The following FOCAD variants were observed in gnomAD, a reference collection of about 807,000 sequenced individuals.
FOCAD encodes the protein focadhesin.
A neutral mutation model predicts 225.6 loss-of-function variants in FOCAD; 198 were observed. The ratio of observed to expected loss-of-function variants is 0.88; its 90% CI spans 0.78 to 0.99. The LOEUF is 0.99. Ranked by LOEUF, FOCAD falls within the 50% of genes least tolerant of loss-of-function variation. The pLI, the probability that FOCAD is intolerant of heterozygous loss-of-function variation, is 0.00. For missense variants in FOCAD, 2,713 were observed against 2,123.6 expected, an observed-to-expected ratio of 1.28 and a Z score of -5.46; for synonymous variants, 897 against 755.0, an observed-to-expected ratio of 1.19 and a Z score of -3.08.
At chr9:20,936,644 C>A (rs200062267) in intron 28 of FOCAD, among the ~76,000 whole-genome samples, 1 of 152,030 alleles carries the variant, frequency 6.6e-6, no homozygotes, top group Non-Finnish European at 1.5e-5. Context: ...CTGGTTAACA[C>A]GGTGAAACCC....
At chr9:20,798,796 C>G (rs1444903116) in intron 11 of FOCAD, among the ~76,000 whole-genome samples, 1 of 152,098 alleles carries the variant, frequency 6.6e-6, no homozygotes, top group Non-Finnish European at 1.5e-5. Context: ...TTCAAAAAAT[C>G]TGCTCCTGGA....
At chr9:20,938,173 G>A (rs990968420) in intron 28 of FOCAD, among the ~76,000 whole-genome samples, 5 of 152,166 alleles carry the variant, frequency 3.3e-5, no homozygotes, top group Admixed American at 6.5e-5. Flanking sequence ...TCAGTGTGGC[G>A]ATTCCTCAGG....
At chr9:20,660,345 A>G (rs147532660) in intron 2 of FOCAD, among the ~76,000 whole-genome samples, 28 of 152,328 alleles carry the variant, frequency 1.8e-4, no homozygotes, top group Non-Finnish European at 3.2e-4. Flanking sequence ...GAGGAAATTG[A>G]GGCAGAGAAA....
chr9:20,661,757 A>T (rs1157602087), intron 2 of FOCAD, among the ~76,000 whole-genome samples: 1 of 152,240 alleles, frequency 6.6e-6, no homozygotes, highest in African/African-American at 2.4e-5. Context: ...ATACCAGATT[A>T]CAAAGGCATT....
At chr9:20,993,201 T>C in intron 42 of FOCAD, 52 bp from the exon 43 acceptor site, 1 of 1,451,166 alleles carries the variant, frequency 6.9e-7, no homozygotes, top group East Asian at 2.3e-5. Context: ...AACTGTTCTT[T>C]TGCTGATGGT....
chr9:20,875,397 G>C (rs909072067), intron 19 of FOCAD: 1 of 152,340 alleles, frequency 6.6e-6, no homozygotes, highest in Non-Finnish European at 1.5e-5. Flanking sequence ...CCAACACTTT[G>C]GGAGGCTGAG....
intron 35 of FOCAD, among the ~76,000 whole-genome samples, chr9:20,961,137 T>G (rs937309426): frequency 6.6e-6 from 1 of 151,678 alleles, no homozygotes; most frequent in African/African-American, 2.4e-5. Flanking sequence ...AAATGGCTCC[T>G]CTCCTCTCCT....
chr9:20,866,917 T>TTTTTTTAAAAAAAAA lies in FOCAD; in HGVS notation c.2107-12_2107-11insTTTTTTAAAAAAAAA. The TTTTTTTAAAAAAAAA allele has an allele frequency of 1.3e-6, 1 of 764,972 alleles. No homozygotes were observed. The highest frequency in any genetic ancestry group is 2.0e-6 in the Non-Finnish European group (1 of 498,468). The allele number at this position is 764,972 out of a possible 1,614,324, so 47.4% of individuals were successfully genotyped here. On this transcript the variant is annotated splice_polypyrimidine_tract_variant and intron_variant, in intron 17 of 43. Coordinates refer to ENST00000338382, the MANE Select transcript of FOCAD (RefSeq NM_001375567.1). ...TTTTTTTTTTTTTTTTTTTTTTTTT[T>TTTTTTTAAAAAAAAA]ACCCTATCTAGGACCCAATTGTAGC...
intron 11 of FOCAD, among the ~76,000 whole-genome samples, chr9:20,810,755 A>G (rs1564019003): frequency 6.6e-6 from 1 of 151,994 alleles, no homozygotes; most frequent in South Asian, 2.1e-4. Context: ...GGCTAATGAG[A>G]CTCACCTGGA....
At chr9:20,764,662 G>T (rs1829903852) in intron 6 of FOCAD, among the ~76,000 whole-genome samples, 1 of 152,208 alleles carries the variant, frequency 6.6e-6, no homozygotes, top group Non-Finnish European at 1.5e-5. Flanking sequence ...CAGTCTCCAG[G>T]TGTTGAATAA....
At chr9:20,962,448 A>C (rs1013880812) in intron 35 of FOCAD, among the ~76,000 whole-genome samples, 6 of 152,010 alleles carry the variant, frequency 3.9e-5, no homozygotes, top group African/African-American at 1.5e-4. Context: ...ACATACATAC[A>C]TACATACACT....
At chr9:20,862,440 C>G in intron 15 of FOCAD, 138 bp from the exon 16 acceptor site, 1 of 863,368 alleles carries the variant, frequency 1.2e-6, no homozygotes, top group Non-Finnish European at 1.7e-6. Flanking sequence ...AGGGGTGGTA[C>G]CTTATTAAGT....
At chr9:20,972,272 T>A (rs912243905) in intron 35 of FOCAD, among the ~76,000 whole-genome samples, 1 of 152,166 alleles carries the variant, frequency 6.6e-6, no homozygotes, top group Admixed American at 6.6e-5. Flanking sequence ...TATTTGCATA[T>A]CCTGGGCAAC....
chr9:20,712,275 T>C (rs1427950986), intron 1 of FOCAD, among the ~76,000 whole-genome samples: 2 of 152,210 alleles, frequency 1.3e-5, no homozygotes, highest in African/African-American at 2.4e-5. Flanking sequence ...GCTCTATCTT[T>C]TCTTTTTAGT....
intron 8 of FOCAD, among the ~76,000 whole-genome samples, chr9:20,773,911 G>T (rs1587112170): frequency 6.6e-6 from 1 of 152,120 alleles, no homozygotes; most frequent in Admixed American, 6.5e-5. Flanking sequence ...ACTGGTATTG[G>T]TTCCTTGCTT....
In FOCAD at chr9:20,765,175, A is replaced by G. The variant is rs957896202; in HGVS notation, c.699+102A>G. On this transcript the variant is annotated intron_variant, in intron 7 of 43. Coordinates refer to ENST00000338382, the MANE Select transcript of FOCAD (RefSeq NM_001375567.1). ...AGAACATAAGTGATTTGGCAAACTC[A>G]GACATGATCCTCGCTCTAGAAATGC... The G allele has an allele frequency of 2.0e-5, 20 of 982,684 alleles. No homozygotes were observed. In the African/African-American group the frequency reaches 3.1e-4, roughly 15 times the overall value. 60.9% of individuals were successfully genotyped at this position (982,684 alleles called of 1,614,324 possible). A position where few individuals can be genotyped will look rare whatever the true frequency, so the allele number is the denominator to read the frequency against.
At chr9:20,695,272 G>T (rs778310890) in intron 1 of FOCAD, among the ~76,000 whole-genome samples, 3 of 152,068 alleles carry the variant, frequency 2.0e-5, no homozygotes, top group Non-Finnish European at 4.4e-5. Flanking sequence ...ACAATGTGTG[G>T]TATTCTTACT....
chr9:20,852,631 G>A (rs1827780965), intron 15 of FOCAD, among the ~76,000 whole-genome samples: 1 of 151,752 alleles, frequency 6.6e-6, no homozygotes, highest in African/African-American at 2.4e-5. Context: ...TATCTTTGAA[G>A]TTTAAAGTTT....
rs549583150 is a variant in FOCAD, at chr9:20,955,632, T to C, written c.4132+2567T>C. Among the ~76,000 whole-genome samples, 4 of 152,244 alleles carry C rather than the reference T, an allele frequency of 2.6e-5. No homozygotes were observed. In the East Asian group the frequency reaches 7.7e-4, roughly 29 times the overall value. On this transcript the variant is annotated intron_variant, in intron 35 of 43. Transcript: ENST00000338382. ...TTAATCTTTTGTCGTCATTATTATCTGTTCTTGTGAACATTTCTTGACTAC... is the reference window on the plus strand; with the variant it reads ...TTAATCTTTTGTCGTCATTATTATCCGTTCTTGTGAACATTTCTTGACTAC...
Sources: gnomAD v4.1 joint callset for allele counts (sites outside exome capture counted in the v4.1 genomes callset) on GRCh38, gnomAD v4.1.1 for gene constraint, MANE v1.5 for transcripts, NCBI Gene and HGNC (gene_info 2026-07-23, HGNC 2026-07-21) for gene names.